Variants in BRINP3 observed in about 807,000 individuals in gnomAD.
BRINP3 encodes the protein BMP/retinoic acid-inducible neural-specific protein 3.
A neutral mutation model predicts 71.0 loss-of-function variants in BRINP3; 19 were observed. The observed-to-expected ratio is 0.27, with a 90% confidence interval of 0.19 to 0.39. BRINP3 has a LOEUF of 0.39. BRINP3 is among the 10% of genes least tolerant of loss of function. The pLI, the probability that BRINP3 is intolerant of heterozygous loss-of-function variation, is 1.00. For synonymous variants in BRINP3, 380 were observed against 337.7 expected (o/e 1.13, Z -1.37); for missense variants, 959 against 940.8 (o/e 1.02, Z -0.25).
At chr1:190,445,531 A>C (rs1371021453) in intron 2 of BRINP3, among the ~76,000 whole-genome samples, 1 of 151,828 alleles carries the variant, frequency 6.6e-6, no homozygotes, top group Non-Finnish European at 1.5e-5. Flanking sequence ...ATTTGATTTA[A>C]GTATACACAC....
chr1:190,137,700 T>C (rs754489952), intron 7 of BRINP3, among the ~76,000 whole-genome samples: 4 of 152,150 alleles, frequency 2.6e-5, no homozygotes, highest in Non-Finnish European at 5.9e-5. Flanking sequence ...TTAAGACTGA[T>C]GGAAGAAGAT....
At chr1:190,216,353 A>G (rs927747448) in intron 6 of BRINP3, among the ~76,000 whole-genome samples, 2 of 151,566 alleles carry the variant, frequency 1.3e-5, no homozygotes, top group Non-Finnish European at 3.0e-5. Context: ...ATATTTTTAT[A>G]TATCTTTATT....
chr1:190,172,994 T>C (rs1168658096), intron 6 of BRINP3, among the ~76,000 whole-genome samples: 1 of 152,176 alleles, frequency 6.6e-6, no homozygotes, highest in African/African-American at 2.4e-5. Flanking sequence ...GGATTAAGAA[T>C]GTTTCTTCAG....
intron 2 of BRINP3, among the ~76,000 whole-genome samples, chr1:190,375,196 A>T (rs1670106241): frequency 6.6e-6 from 1 of 152,004 alleles, no homozygotes; most frequent in South Asian, 2.1e-4. Context: ...CTCATCTCAC[A>T]CTAAGAAACG....
intron 2 of BRINP3, 85 bp downstream of exon 2, chr1:190,454,570 G>T (rs1251493378): frequency 3.7e-6 from 4 of 1,069,754 alleles, no homozygotes; most frequent in Non-Finnish European, 5.4e-6. Flanking sequence ...CCTTTTTCCC[G>T]TCTGAAACTT....
intron 6 of BRINP3, among the ~76,000 whole-genome samples, chr1:190,214,708 G>A (rs1656257224): frequency 6.6e-6 from 1 of 152,012 alleles, no homozygotes; most frequent in South Asian, 2.1e-4. Flanking sequence ...CAGCCTGAGT[G>A]TTGGAAGAAG....
chr1:190,137,570 G>A (rs1026133395), intron 7 of BRINP3, among the ~76,000 whole-genome samples: 2 of 152,100 alleles, frequency 1.3e-5, no homozygotes, highest in Admixed American at 6.6e-5. Context: ...GAGGATGTGA[G>A]ATCATAGAAA....
At chr1:190,363,833 C>T (rs1047364143) in intron 2 of BRINP3, among the ~76,000 whole-genome samples, 3 of 152,200 alleles carry the variant, frequency 2.0e-5, no homozygotes, top group East Asian at 1.9e-4. Context: ...AGAAAATAAA[C>T]GTCTGAATGA....
At chr1:190,283,807 C>T (rs998603987) in intron 2 of BRINP3, among the ~76,000 whole-genome samples, 2 of 151,392 alleles carry the variant, frequency 1.3e-5, no homozygotes, top group Non-Finnish European at 3.0e-5. Context: ...ATAATAGTTG[C>T]TCATTAATTC....
chr1:190,467,655 C>G (rs1285021668), intron 1 of BRINP3, among the ~76,000 whole-genome samples: 1 of 151,484 alleles, frequency 6.6e-6, no homozygotes, highest in Non-Finnish European at 1.5e-5. Flanking sequence ...CAATAAGCAT[C>G]TACTTTTATC....
chr1:190,369,844 T>C (rs1669747014), intron 2 of BRINP3, among the ~76,000 whole-genome samples: 7 of 152,142 alleles, frequency 4.6e-5, no homozygotes, highest in Non-Finnish European at 1.0e-4. Flanking sequence ...ATATTATGTT[T>C]TTAAAATAAT....
At chr1:190,421,263 A>G (rs776869898) in intron 2 of BRINP3, among the ~76,000 whole-genome samples, 5 of 149,854 alleles carry the variant, frequency 3.3e-5, no homozygotes, top group Non-Finnish European at 5.9e-5. Context: ...TTCACAGATA[A>G]TAGTGAAGGA....
In BRINP3 at chr1:190,454,709, G is replaced by A. The variant is rs749498456; in HGVS notation, c.182C>T (p.Thr61Ile). The A allele has an allele frequency of 6.2e-6, 10 of 1,614,118 alleles. No individual in the cohort carries two copies. The South Asian group carries it at 1.1e-4, about 18-fold the overall frequency. Residue 61 changes from threonine to isoleucine, a missense_variant, in exon 2 of 8, where the codon ACA (threonine) becomes ATA (isoleucine). Thr to Ile is a moderately conservative substitution (Grantham distance 89). Coordinates refer to ENST00000367462, the MANE Select transcript of BRINP3 (RefSeq NM_199051.3). The part of the protein sequence containing the change: ...KGPFHRSQEY[T>I]DFVDRSRQGF... ...CTGCCGGCTTCTGTCCACAAAATCTGTGTATTCCTGTGAGCGATGGAAGGG... is the reference window on the plus strand; with the variant it reads ...CTGCCGGCTTCTGTCCACAAAATCTATGTATTCCTGTGAGCGATGGAAGGG...
chr1:190,301,544 C>G (rs1003910790), intron 2 of BRINP3, among the ~76,000 whole-genome samples: 2 of 150,978 alleles, frequency 1.3e-5, no homozygotes, highest in African/African-American at 2.4e-5. Flanking sequence ...TCCTTCCTTC[C>G]AAACAATTTT....
intron 2 of BRINP3, among the ~76,000 whole-genome samples, chr1:190,444,915 G>C (rs945251999): frequency 6.6e-6 from 1 of 152,124 alleles, no homozygotes; most frequent in African/African-American, 2.4e-5. Flanking sequence ...AATAAGATAC[G>C]TACGTCCTTT....
chr1:190,098,901 A>G lies in BRINP3; in HGVS notation c.1418T>C (p.Leu473Pro), dbSNP rs2102233971. Residue 473 changes from leucine (L) to proline (P), a missense_variant, in exon 8 of 8, where the codon CTC (leucine) becomes CCC (proline). Transcript: ENST00000367462. ...GGACTCGGCGACTTCAGGCTTGCAGAGCCCCTGGCTGAGCATGTAGCCGGT... is the reference window on the plus strand; with the variant it reads ...GGACTCGGCGACTTCAGGCTTGCAGGGCCCCTGGCTGAGCATGTAGCCGGT... Reference protein sequence around the residue: ...CNTGYMLSQGLCKPEVAESTD... With the variant: ...CNTGYMLSQGPCKPEVAESTD... The G allele has an allele frequency of 6.2e-7, 1 of 1,614,150 alleles. No individual in the cohort carries two copies. Among genetic ancestry groups the G allele is most frequent in the South Asian group, 1.1e-5 (1 of 91,086 alleles).
rs535587898 is a variant in BRINP3 at position 190,177,281 on chromosome 1, G to A, written c.962-16391C>T. ...AGATTTACGCCATTCTCCTGCCTCA[G>A]TCTCCTGAGTAGCTGGGACTACAGG... On this transcript the variant is annotated intron_variant, in intron 6 of 7. Coordinates refer to ENST00000367462, the MANE Select transcript of BRINP3 (RefSeq NM_199051.3). Among the ~76,000 whole-genome samples the A allele has an allele frequency of 7.7e-5, 11 of 142,982 alleles. No individual in the cohort carries two copies. In the South Asian group the frequency reaches 2.5e-3, roughly 32 times the overall value. 93.8% of individuals were successfully genotyped at this position (142,982 alleles called of 152,430 possible). A position where few individuals can be genotyped will look rare whatever the true frequency, so the allele number is the denominator to read the frequency against.
intron 4 of BRINP3, among the ~76,000 whole-genome samples, chr1:190,238,135 C>G (rs975301674): frequency 6.6e-6 from 1 of 151,978 alleles, no homozygotes; most frequent in Non-Finnish European, 1.5e-5. Context: ...CTCTATTATA[C>G]TGTCCACTTC....
intron 2 of BRINP3, among the ~76,000 whole-genome samples, chr1:190,361,317 GGAACCCCATGGTGTAGATCATATAAGA>G (rs1331120153): frequency 6.6e-6 from 1 of 151,882 alleles, no homozygotes; most frequent in East Asian, 1.9e-4. Context: ...TCAGGAGCCA[GGAACCCCATGGTGTAGATCATATAAGA>G]AATAGAGAAT....
Sources: allele counts gnomAD v4.1 joint callset (sites outside exome capture counted in the v4.1 genomes callset), GRCh38; gene constraint gnomAD v4.1.1; transcripts MANE v1.5; gene names NCBI Gene and HGNC (gene_info 2026-07-23, HGNC 2026-07-21).